LINGO2: variants seen among roughly 807,000 people sequenced by gnomAD.
LINGO2 encodes the protein leucine rich repeat and Ig domain containing 2.
Under a neutral mutation model 30.6 loss-of-function variants are expected in LINGO2, and 14 were observed. That is an observed-to-expected ratio of 0.46 (90% CI 0.30 to 0.72). The LOEUF (loss-of-function observed/expected upper bound fraction) is 0.72, where lower values mean the gene tolerates loss of function less well. Among genes scored for constraint, LINGO2 ranks in the 30% least tolerant of loss-of-function variants. The pLI is 0.07. For synonymous variants in LINGO2, 317 were observed against 288.5 expected (o/e 1.10, Z -1.00); for missense variants, 729 against 751.7 (o/e 0.97, Z 0.35).
At position 28,433,964 on chromosome 9, in the gene LINGO2, TATAC is replaced by T. The variant is rs1273031456; in HGVS notation, c.-279+41972_-279+41975del. The stretch of plus-strand genomic sequence containing the variant: ...CTCTCTCTCTCTATATATATATATA[TATAC>T]ACACACACACATGAAAATACTACTA... On this transcript the variant is annotated intron_variant, in intron 2 of 5. Coordinates refer to ENST00000379992, the Ensembl canonical transcript of LINGO2. Among the ~76,000 whole-genome samples, 126 of 138,012 alleles carry T rather than the reference TATAC, an allele frequency of 9.1e-4. 1 individual carries two copies. The highest frequency in any genetic ancestry group is 3.1e-3 in the African/African-American group (122 of 38,936). The allele number at this position is 138,012 out of a possible 152,430, so 90.5% of individuals were successfully genotyped here.
chr9:28,367,981 C>G (rs557637995), intron 3 of LINGO2, among the ~76,000 whole-genome samples: 1 of 152,120 alleles, frequency 6.6e-6, no homozygotes, highest in African/African-American at 2.4e-5. Flanking sequence ...CAATTTCTTT[C>G]CTTCTTTTTC....
intron 1 of LINGO2, among the ~76,000 whole-genome samples, chr9:28,479,911 GTATATATATA>G (rs58972403): frequency 0.012 from 583 of 49,768 alleles, 50 homozygotes; most frequent in South Asian, 0.048. Context: ...ATATACGTAG[GTATATATATA>G]TATATATATA....
At chr9:28,632,823 T>TC in intron 1 of LINGO2, among the ~76,000 whole-genome samples, 1 of 107,920 alleles carries the variant, frequency 9.3e-6, no homozygotes, top group Non-Finnish European at 1.8e-5. Flanking sequence ...CTATATATAT[T>TC]ATATATTATA....
chr9:28,121,711 T>C (rs1010720405), intron 4 of LINGO2, among the ~76,000 whole-genome samples: 1 of 152,172 alleles, frequency 6.6e-6, no homozygotes, highest in African/African-American at 2.4e-5. Flanking sequence ...AACTATAACT[T>C]TGGAAAGATT....
intron 1 of LINGO2, among the ~76,000 whole-genome samples, chr9:28,609,752 C>T (rs1825837689): frequency 6.6e-6 from 1 of 152,004 alleles, no homozygotes; most frequent in Admixed American, 6.6e-5. Context: ...AATTATTTGT[C>T]ATAGATAGTT....
At chr9:28,869,416 G>C in the LINGO2 span, among the ~76,000 whole-genome samples, 1 of 151,992 alleles carries the variant, frequency 6.6e-6, no homozygotes, top group Admixed American at 6.6e-5. Flanking sequence ...TATTTGACCA[G>C]GTGACCAGAG....
At chr9:28,988,366 T>A in the LINGO2 span, among the ~76,000 whole-genome samples, 40 of 152,322 alleles carry the variant, frequency 2.6e-4, 1 homozygote, top group African/African-American at 7.2e-4. Context: ...TTCTTTTGCT[T>A]TCCATTTGCA....
At chr9:28,936,448 C>T in the LINGO2 span, among the ~76,000 whole-genome samples, 1 of 152,098 alleles carries the variant, frequency 6.6e-6, no homozygotes, top group Non-Finnish European at 1.5e-5. Flanking sequence ...CTTATTTAAA[C>T]CACACAAATA....
chr9:28,191,604 A>C (rs1335157135), intron 4 of LINGO2, among the ~76,000 whole-genome samples: 2 of 152,068 alleles, frequency 1.3e-5, no homozygotes, highest in Non-Finnish European at 2.9e-5. Context: ...CCTCTTTAAA[A>C]ATATTTAATG....
chr9:28,770,363 A>G, the LINGO2 span, among the ~76,000 whole-genome samples: 1 of 152,110 alleles, frequency 6.6e-6, no homozygotes, highest in Non-Finnish European at 1.5e-5. Context: ...CAGTCTCCCC[A>G]ATGGTTTTCT....
At chr9:29,150,096 A>G in the LINGO2 span, among the ~76,000 whole-genome samples, 1 of 152,210 alleles carries the variant, frequency 6.6e-6, no homozygotes, top group African/African-American at 2.4e-5. Flanking sequence ...GCTGAGTAGG[A>G]GCCCGTGTGC....
At chr9:28,983,035 T>G in the LINGO2 span, among the ~76,000 whole-genome samples, 12 of 151,994 alleles carry the variant, frequency 7.9e-5, no homozygotes, top group South Asian at 2.5e-3. Flanking sequence ...TGTAGGTACA[T>G]AAGAAAATAT....
Position 28,338,754 on chromosome 9 carries a change from C to T in LINGO2, c.-246+34082G>A, listed in dbSNP as rs1447117823. ...TTCTCTGCTGCCCTGTGAAGAAGGA[C>T]GTTCCTGCTTCCCCTTCCACCATGA... On this transcript the variant is annotated intron_variant, in intron 3 of 5. Coordinates refer to ENST00000379992, the Ensembl canonical transcript of LINGO2. Among the ~76,000 whole-genome samples the T allele has an allele frequency of 5.9e-5, 9 of 152,032 alleles. No homozygotes were observed. The East Asian group carries it at 9.7e-4, about 16-fold the overall frequency.
At chr9:28,263,729 T>C (rs1384008525) in intron 4 of LINGO2, among the ~76,000 whole-genome samples, 2 of 152,000 alleles carry the variant, frequency 1.3e-5, no homozygotes, top group Non-Finnish European at 2.9e-5. Flanking sequence ...CTTCCCTGGT[T>C]TGCAATGAAA....
At chr9:28,680,221 A>G in the LINGO2 span, among the ~76,000 whole-genome samples, 1 of 152,018 alleles carries the variant, frequency 6.6e-6, no homozygotes. Flanking sequence ...ATATACTGGT[A>G]TTTCTGTGCC....
chr9:28,317,174 G>A (rs932550811), intron 3 of LINGO2, among the ~76,000 whole-genome samples: 1 of 152,088 alleles, frequency 6.6e-6, no homozygotes, highest in African/African-American at 2.4e-5. Flanking sequence ...AACTATTCTT[G>A]AAGCACGAAT....
chr9:29,025,819 C>T, the LINGO2 span, among the ~76,000 whole-genome samples: 1 of 152,064 alleles, frequency 6.6e-6, no homozygotes, highest in South Asian at 2.1e-4. Flanking sequence ...CCTTAACCAC[C>T]CCTGCCCGTG....
At chr9:27,939,984 C>G in the LINGO2 span, 7 of 152,102 alleles carry the variant, frequency 4.6e-5, no homozygotes, top group African/African-American at 1.7e-4. Flanking sequence ...AAGAGGTATC[C>G]TCTCTAGCAG....
chr9:28,803,302 A>AGT, the LINGO2 span, among the ~76,000 whole-genome samples: 1 of 150,522 alleles, frequency 6.6e-6, no homozygotes, highest in African/African-American at 2.4e-5. Flanking sequence ...TATTTTTAGG[A>AGT]GTGTGTGTGT....
Sources: gnomAD v4.1 joint callset for allele counts (sites outside exome capture counted in the v4.1 genomes callset) on GRCh38, gnomAD v4.1.1 for gene constraint, MANE v1.5 for transcripts, NCBI Gene and HGNC (gene_info 2026-07-23, HGNC 2026-07-21) for gene names.